Variants in GABRA3 observed in about 807,000 individuals in gnomAD.
GABRA3 encodes gamma-aminobutyric acid receptor subunit alpha-3.
GABRA3 carries 10 observed loss-of-function variants against 30.1 expected under a neutral mutation model. The ratio of observed to expected loss-of-function variants is 0.33; its 90% CI spans 0.20 to 0.56. The LOEUF is 0.56. GABRA3 is among the 20% of genes least tolerant of loss of function. The probability of loss-of-function intolerance (pLI) is 0.89; values close to 1 mark genes in which losing one functional copy is unlikely to be tolerated. For missense variants in GABRA3, 233 were observed against 392.0 expected (o/e 0.59, Z 3.42); for synonymous variants, 151 against 146.8 (o/e 1.03, Z -0.21).
At chrX:152,220,879 G>A (rs1937822605) in intron 6 of GABRA3, among the ~76,000 whole-genome samples, 2 of 110,979 alleles carry the variant, frequency 1.8e-5, no homozygotes, top group South Asian at 7.6e-4. Context: ...GTGCCTGTGT[G>A]TGTGTGTGTT....
intron 9 of GABRA3, among the ~76,000 whole-genome samples, chrX:152,186,206 GTTTA>G (rs201169733): frequency 0.012 from 1,271 of 109,500 alleles, 31 homozygotes; most frequent in African/African-American, 0.04. Flanking sequence ...TTATTTAATT[GTTTA>G]TTTATTTATT....
At chrX:152,428,136 A>G (rs746337692) in intron 1 of GABRA3, among the ~76,000 whole-genome samples, 2 of 112,557 alleles carry the variant, frequency 1.8e-5, no homozygotes, top group African/African-American at 3.2e-5. Context: ...TAAGAAGTAA[A>G]TCACCAAGGA....
intron 3 of GABRA3, among the ~76,000 whole-genome samples, chrX:152,328,086 C>T (rs1214865464): frequency 1.8e-5 from 2 of 111,761 alleles, no homozygotes; most frequent in African/African-American, 6.5e-5. Context: ...CACAAATAAA[C>T]TAGAAAATCT....
chrX:152,423,220 G>A (rs1278004402), intron 1 of GABRA3, among the ~76,000 whole-genome samples: 1 of 111,977 alleles, frequency 8.9e-6, no homozygotes, highest in Non-Finnish European at 1.9e-5. Context: ...AGGGGAACTT[G>A]TTGACACTTG....
chrX:152,271,180 C>T lies in GABRA3; in HGVS notation c.330+13488G>A, dbSNP rs1266063059. ...TTTGCACCATGTTGGCCAAGCTGGTCTAGAACTCCTGACCTCAGGTGATCC... is the reference window on the plus strand; with the variant it reads ...TTTGCACCATGTTGGCCAAGCTGGTTTAGAACTCCTGACCTCAGGTGATCC... On this transcript the variant is annotated intron_variant, in intron 4 of 9. Transcript: ENST00000370314. Among the ~76,000 whole-genome samples the T allele has an allele frequency of 2.7e-5, 3 of 110,608 alleles. No homozygotes were observed. In the South Asian group the frequency reaches 1.2e-3, roughly 43 times the overall value.
At chrX:152,199,182 T>TGC (rs1937436108) in intron 7 of GABRA3, among the ~76,000 whole-genome samples, 2 of 109,261 alleles carry the variant, frequency 1.8e-5, no homozygotes, top group Non-Finnish European at 1.9e-5. Flanking sequence ...CTGGCTAACA[T>TGC]GGTGAAACCC....
intron 7 of GABRA3, among the ~76,000 whole-genome samples, chrX:152,199,325 C>G (rs1220566214): frequency 4.9e-5 from 5 of 102,948 alleles, no homozygotes; most frequent in Non-Finnish European, 8.1e-5. Context: ...AAGGTCGTGC[C>G]ACTGCACTCC....
At chrX:152,244,777 G>A (rs944103076) in intron 5 of GABRA3, among the ~76,000 whole-genome samples, 4 of 110,699 alleles carry the variant, frequency 3.6e-5, no homozygotes, top group East Asian at 5.7e-4. Context: ...AGAATACTGC[G>A]GAGCTATACA....
At chrX:152,177,491 C>T (rs1937089104) in intron 9 of GABRA3, among the ~76,000 whole-genome samples, 1 of 109,204 alleles carries the variant, frequency 9.2e-6, no homozygotes, top group Non-Finnish European at 1.9e-5. Flanking sequence ...AATTTCATTA[C>T]AAAACTCTTC....
At chrX:152,327,695 T>C (rs1478240668) in intron 3 of GABRA3, among the ~76,000 whole-genome samples, 17 of 111,531 alleles carry the variant, frequency 1.5e-4, no homozygotes, top group Admixed American at 8.6e-4. Context: ...GGGACACATT[T>C]AAAGCAGTGT....
chrX:152,284,887 C>T (rs1939265272), intron 3 of GABRA3, 152 bp from the exon 4 acceptor site: 1 of 336,185 alleles, frequency 3.0e-6, no homozygotes. Context: ...TATCTCTTCA[C>T]AGGGAACATG....
intron 4 of GABRA3, among the ~76,000 whole-genome samples, chrX:152,274,243 C>T (rs186791128): frequency 9.0e-6 from 1 of 111,315 alleles, no homozygotes; most frequent in Non-Finnish European, 1.9e-5. Context: ...TTTAGACTCA[C>T]GATAAGTGAA....
chrX:152,335,426 G>A (rs1440550375), intron 3 of GABRA3, among the ~76,000 whole-genome samples: 1 of 111,398 alleles, frequency 9.0e-6, no homozygotes, highest in Non-Finnish European at 1.9e-5. Context: ...AAAAACAAGG[G>A]AGACTGTAGT....
intron 9 of GABRA3, among the ~76,000 whole-genome samples, chrX:152,175,500 A>G (rs1453291503): frequency 8.9e-6 from 1 of 111,750 alleles, no homozygotes; most frequent in Non-Finnish European, 1.9e-5. Flanking sequence ...TTCACATCCC[A>G]GTTGGGGGGA....
At chrX:152,272,674 G>A (rs914047637) in intron 4 of GABRA3, among the ~76,000 whole-genome samples, 1 of 111,717 alleles carries the variant, frequency 9.0e-6, no homozygotes, top group Non-Finnish European at 1.9e-5. Context: ...TGGTATGGCT[G>A]TGTCTCCATC....
chrX:152,418,726 A>T (rs1372491959), intron 1 of GABRA3, among the ~76,000 whole-genome samples: 3 of 112,030 alleles, frequency 2.7e-5, no homozygotes, highest in Non-Finnish European at 5.6e-5. Flanking sequence ...CAAATACAAA[A>T]GTTGGTTGAT....
At position 152,255,795 on chromosome X, in the gene GABRA3, G is replaced by A. The variant is rs775486976; in HGVS notation, c.534C>T (p.Thr178=). 2 of 1,210,553 alleles carry A rather than the reference G, an allele frequency of 1.7e-6. No individual in the cohort carries two copies. The part of the protein sequence containing the change: ...NKLLRLVDNG[T]LLYTMRLTIH... Reference sequence around the variant, plus strand: ...TCTCTGACCTCATTGTATAGAGGAGGGTTCCGTTGTCCACCAATCTGAGCA... The same window carrying A: ...TCTCTGACCTCATTGTATAGAGGAGAGTTCCGTTGTCCACCAATCTGAGCA... The change falls in exon 5 of 10, where the codon ACC becomes ACT. Residue 178 remains threonine (T), a synonymous_variant. Coordinates refer to ENST00000370314, the MANE Select transcript of GABRA3 (RefSeq NM_000808.4).
intron 1 of GABRA3, among the ~76,000 whole-genome samples, chrX:152,426,013 A>G: frequency 9.0e-6 from 1 of 110,981 alleles, no homozygotes; most frequent in Admixed American, 9.6e-5. Context: ...ATAATTCCCA[A>G]TTATTTATTT....
intron 1 of GABRA3, among the ~76,000 whole-genome samples, chrX:152,365,224 T>C (rs752056390): frequency 2.6e-4 from 29 of 111,494 alleles, no homozygotes; most frequent in African/African-American, 8.8e-4. Flanking sequence ...TCCTCTAAAT[T>C]AGGTTGAGAA....
Sources: gnomAD v4.1 joint callset for allele counts (sites outside exome capture counted in the v4.1 genomes callset) on GRCh38, gnomAD v4.1.1 for gene constraint, MANE v1.5 for transcripts, NCBI Gene and HGNC (gene_info 2026-07-23, HGNC 2026-07-21) for gene names.